FGGY: variants seen among roughly 807,000 people sequenced by gnomAD.
FGGY encodes FGGY carbohydrate kinase domain-containing protein.
FGGY carries 72 observed loss-of-function variants against 71.3 expected under a neutral mutation model. That is an observed-to-expected ratio of 1.01 (90% confidence interval 0.84 to 1.23). The LOEUF (loss-of-function observed/expected upper bound fraction) is 1.23. FGGY is among the 50% of genes most tolerant of loss of function. The probability of loss-of-function intolerance (pLI) is 0.00; values close to 1 mark genes in which losing one functional copy is unlikely to be tolerated. For missense variants in FGGY, 668 were observed against 682.3 expected (o/e 0.98, Z 0.23); for synonymous variants, 251 against 250.3 (o/e 1.00, Z -0.02).
At chr1:59,672,490 C>T (rs751483989) in intron 13 of FGGY, among the ~76,000 whole-genome samples, 2 of 152,224 alleles carry the variant, frequency 1.3e-5, no homozygotes, top group Admixed American at 6.5e-5. Context: ...AAGTGACTTA[C>T]TGGACACAGA....
intron 6 of FGGY, among the ~76,000 whole-genome samples, chr1:59,488,050 A>G (rs1290847032): frequency 6.6e-6 from 1 of 152,176 alleles, no homozygotes; most frequent in African/African-American, 2.4e-5. Context: ...AGTTGAAACC[A>G]TGCCGTATAT....
At position 59,632,333 on chromosome 1, in the gene FGGY, T is replaced by A. The variant is rs142244557; in HGVS notation, c.1074-5895T>A. Among the ~76,000 whole-genome samples, 134 of 152,346 alleles carry A rather than the reference T, an allele frequency of 8.8e-4. 1 individual carries two copies. Among genetic ancestry groups the A allele is most frequent in the Non-Finnish European group, 4.9e-4 (33 of 68,034 alleles). ...TGGTTTCAAAGCCCTTAATGTTGTC[T>A]TTGTTGTGCTAGTGCATATTTTTTT... On this transcript the variant is annotated intron_variant, in intron 10 of 15. Coordinates refer to ENST00000303721, the MANE Select transcript of FGGY (RefSeq NM_018291.5).
intron 11 of FGGY, among the ~76,000 whole-genome samples, chr1:59,652,018 G>A (rs1290768425): frequency 6.7e-6 from 1 of 149,448 alleles, no homozygotes; most frequent in African/African-American, 2.4e-5. Flanking sequence ...ATGAAGCTTA[G>A]TTTGGCTGGA....
chr1:59,330,123 A>C (rs144634740), intron 2 of FGGY, among the ~76,000 whole-genome samples: 4 of 152,350 alleles, frequency 2.6e-5, no homozygotes, highest in Admixed American at 6.5e-5. Context: ...TCAAATAATA[A>C]AATCATTCTA....
At chr1:59,584,066 G>C (rs1360884601) in intron 8 of FGGY, among the ~76,000 whole-genome samples, 3 of 149,670 alleles carry the variant, frequency 2.0e-5, no homozygotes, top group African/African-American at 7.6e-5. Context: ...TGGATTCACA[G>C]CCGAATTCTA....
chr1:59,327,019 T>C (rs2047562723), intron 2 of FGGY, among the ~76,000 whole-genome samples: 1 of 152,252 alleles, frequency 6.6e-6, no homozygotes, highest in Non-Finnish European at 1.5e-5. Flanking sequence ...CAGTGAGTTG[T>C]AGTCTTTTTC....
chr1:59,724,134 G>T (rs1339939704), intron 14 of FGGY, among the ~76,000 whole-genome samples: 2 of 151,628 alleles, frequency 1.3e-5, no homozygotes, highest in African/African-American at 4.9e-5. Flanking sequence ...CTGAACTCCA[G>T]CCTGGACAAC....
At chr1:59,675,835 C>T (rs1373644325) in intron 14 of FGGY, among the ~76,000 whole-genome samples, 1 of 152,016 alleles carries the variant, frequency 6.6e-6, no homozygotes, top group Non-Finnish European at 1.5e-5. Context: ...AAAATTTGCC[C>T]TGACCCTCAA....
At chr1:59,663,953 G>C (rs1339047621) in intron 12 of FGGY, among the ~76,000 whole-genome samples, 1 of 152,138 alleles carries the variant, frequency 6.6e-6, no homozygotes. Context: ...GTGCTGTTTT[G>C]TAGGGGTGAA....
chr1:59,543,774 TC>T (rs1177092909), intron 7 of FGGY, among the ~76,000 whole-genome samples: 2 of 152,194 alleles, frequency 1.3e-5, no homozygotes, highest in East Asian at 3.8e-4. Flanking sequence ...CCTGGTGTTT[TC>T]CTCAAGCATC....
intron 4 of FGGY, among the ~76,000 whole-genome samples, chr1:59,349,932 A>G (rs2052902659): frequency 6.6e-6 from 1 of 151,228 alleles, no homozygotes; most frequent in Non-Finnish European, 1.5e-5. Flanking sequence ...GGGTGATGCT[A>G]ATATTAGTGG....
At chr1:59,651,030 G>A (rs368418148) in intron 11 of FGGY, among the ~76,000 whole-genome samples, 1 of 151,422 alleles carries the variant, frequency 6.6e-6, no homozygotes, top group South Asian at 2.1e-4. Context: ...TTCAGGAGCA[G>A]GTTGTTCAGT....
intron 8 of FGGY, among the ~76,000 whole-genome samples, chr1:59,584,647 G>A (rs112658144): frequency 1.9e-4 from 29 of 150,008 alleles, no homozygotes; most frequent in South Asian, 1.3e-3. Context: ...GCTATTCAAC[G>A]TAGTGTTGGA....
intron 5 of FGGY, among the ~76,000 whole-genome samples, chr1:59,448,864 G>A (rs1423619992): frequency 6.6e-6 from 1 of 152,018 alleles, no homozygotes; most frequent in East Asian, 1.9e-4. Context: ...AGTGCCTCCT[G>A]GTCTTCCCCA....
At chr1:59,532,447 A>G (rs749888484) in intron 7 of FGGY, among the ~76,000 whole-genome samples, 1 of 152,180 alleles carries the variant, frequency 6.6e-6, no homozygotes, top group African/African-American at 2.4e-5. Context: ...CATAGAAGCT[A>G]TATTTGAAGA....
chr1:59,324,736 C>G (rs1238759135), intron 2 of FGGY, among the ~76,000 whole-genome samples: 1 of 152,160 alleles, frequency 6.6e-6, no homozygotes, highest in Non-Finnish European at 1.5e-5. Context: ...TGTCCCTTGT[C>G]TCTCTCCAGC....
intron 9 of FGGY, among the ~76,000 whole-genome samples, chr1:59,612,251 G>C (rs1411062604): frequency 2.6e-5 from 4 of 152,308 alleles, no homozygotes; most frequent in Admixed American, 2.6e-4. Context: ...AGAGAGAAAG[G>C]TTGGGTTACC....
At chr1:59,460,525 G>A (rs2092100667) in intron 6 of FGGY, among the ~76,000 whole-genome samples, 1 of 152,232 alleles carries the variant, frequency 6.6e-6, no homozygotes. Context: ...AAACGTTCCT[G>A]TCTGACAGCT....
Position 59,321,697 on chromosome 1 carries a change from C to T in FGGY, c.148C>T (p.His50Tyr), listed in dbSNP as rs768420286. ...TAAGAATTGGGAGCCCCAGTTCAACCACCATGAGCAGTCCTCCGAGGACAT... is the reference window on the plus strand; with the variant it reads ...TAAGAATTGGGAGCCCCAGTTCAACTACCATGAGCAGTCCTCCGAGGACAT... ...PIKNWEPQFNHHEQSSEDIWA... is the reference protein window; with the variant it reads ...PIKNWEPQFNYHEQSSEDIWA... The change falls in exon 2 of 16, where the codon CAC (histidine) becomes TAC (tyrosine). Residue 50 changes from histidine (H) to tyrosine (Y), a missense_variant. By Grantham distance (83) the His-to-Tyr change is moderately conservative. Coordinates refer to ENST00000303721, the MANE Select transcript of FGGY (RefSeq NM_018291.5). 6.2e-7 allele frequency: 1 copy of T among 1,612,990 alleles called. No individual in the cohort carries two copies. The highest frequency in any genetic ancestry group is 2.2e-5 in the East Asian group (1 of 44,846).
Sources: gnomAD v4.1 joint callset for allele counts (sites outside exome capture counted in the v4.1 genomes callset) on GRCh38, gnomAD v4.1.1 for gene constraint, MANE v1.5 for transcripts, NCBI Gene and HGNC (gene_info 2026-07-23, HGNC 2026-07-21) for gene names.